ATG16L2: variants seen among roughly 807,000 people sequenced by gnomAD.
The protein encoded by ATG16L2 is autophagy related 16 like 2.
In ATG16L2, 77 loss-of-function variants were observed where a neutral mutation model predicts 84.7. The observed-to-expected ratio is 0.91, with a 90% CI of 0.76 to 1.10. The LOEUF is 1.10. Among genes scored for constraint, ATG16L2 ranks in the 50% least tolerant of loss-of-function variants. The pLI is 0.00. For missense variants in ATG16L2, 782 were observed against 817.6 expected (o/e 0.96, Z 0.53); for synonymous variants, 361 against 342.8 (o/e 1.05, Z -0.59).
Position 72,829,313 on chromosome 11 carries a change from A to C in ATG16L2, c.1783A>C (p.Asn595His). 1 of 1,613,170 alleles carries C rather than the reference A, an allele frequency of 6.2e-7. No individual in the cohort carries two copies. Among genetic ancestry groups the C allele is most frequent in the Non-Finnish European group, 8.5e-7 (1 of 1,179,730 alleles). The change falls in exon 18 of 18, where the codon AAC (asparagine) becomes CAC (histidine). Residue 595 changes from asparagine to histidine, a missense_variant. Coordinates refer to ENST00000321297, the MANE Select transcript of ATG16L2 (RefSeq NM_033388.2). ...CCTCCCTTTCCCCAGCGCTGCCGTC[A>C]ACGCCGTGGCCTGGTGCTACTCCGG... ...RLQGPHCAAV[N>H]AVAWCYSGSH...
At chr11:72,815,308 A>C (rs1859644067) in intron 1 of ATG16L2, among the ~76,000 whole-genome samples, 1 of 152,156 alleles carries the variant, frequency 6.6e-6, no homozygotes, top group Non-Finnish European at 1.5e-5. Context: ...CGGCTCTCTC[A>C]CTGGGGCTAA....
chr11:72,821,813 G>A, intron 4 of ATG16L2, 72 bp downstream of exon 4: 3 of 1,493,356 alleles, frequency 2.0e-6, no homozygotes, highest in Admixed American at 2.2e-5. Flanking sequence ...TACGGGAGGC[G>A]GGGGGAATGG....
Position 72,814,459 on chromosome 11 carries a change from G to C in ATG16L2, c.14G>C (p.Gly5Ala). Residue 5 changes from glycine (G) to alanine (A), a missense_variant, in exon 1 of 18, where the codon GGC becomes GCC. Physicochemically the swap from Gly to Ala is moderately conservative, Grantham distance 60 (BLOSUM62 0). Transcript: ENST00000321297. ...GAGAGCGCGGCCATGGCGGGGCCGG[G>C]CGTCCCCGGTGCCCCCGCAGCGCGC... is the stretch of plus-strand genomic sequence containing the variant. Reference protein sequence around the residue: MAGPGVPGAPAARWK... With the variant: MAGPAVPGAPAARWK... 2.0e-6 allele frequency: 3 copies of C among 1,507,252 alleles called. No homozygotes were observed. The South Asian group carries it at 3.7e-5, about 19-fold the overall frequency. The allele number at this position is 1,507,252 out of a possible 1,614,324, so 93.4% of individuals were successfully genotyped here.
intron 5 of ATG16L2, chr11:72,840,843 T>C (rs142724039): frequency 1.3e-5 from 19 of 1,439,064 alleles, no homozygotes; most frequent in Middle Eastern, 1.8e-4. Context: ...GGAAGAACTA[T>C]GCATTCGATA....
chr11:72,824,213 C>T, intron 8 of ATG16L2, 91 bp downstream of exon 8: 1 of 1,479,354 alleles, frequency 6.8e-7, no homozygotes, highest in Non-Finnish European at 9.4e-7. Flanking sequence ...ACCTGTCCAT[C>T]CCTGTGATGT....
At chr11:72,826,881 G>A in intron 13 of ATG16L2, 58 bp downstream of exon 13, 1 of 1,588,334 alleles carries the variant, frequency 6.3e-7, no homozygotes, top group Non-Finnish European at 8.6e-7. Context: ...CCCAGGCCAG[G>A]GCACAAGGGA....
At chr11:72,824,913 C>G (rs2135110546) in intron 9 of ATG16L2, 71 bp downstream of exon 9, 1 of 1,334,478 alleles carries the variant, frequency 7.5e-7, no homozygotes, top group East Asian at 2.5e-5. Flanking sequence ...GGTCTCGGCA[C>G]CAGGGGTGGT....
chr11:72,823,334 T>A (rs975939825), intron 7 of ATG16L2: 1 of 316,668 alleles, frequency 3.2e-6, no homozygotes, highest in Admixed American at 4.7e-5. Context: ...CGCAGGGACA[T>A]GAGGCCACAG....
intron 9 of ATG16L2, 51 bp from the exon 10 acceptor site, chr11:72,825,251 C>T (rs148638811): frequency 1.4e-6 from 2 of 1,470,772 alleles, no homozygotes; most frequent in East Asian, 2.3e-5. Flanking sequence ...TGAGCACTCA[C>T]AGAGACATGC....
At chr11:72,841,330 A>T in intron 5 of ATG16L2, 1 of 976,616 alleles carries the variant, frequency 1.0e-6, no homozygotes, top group Non-Finnish European at 1.4e-6. Flanking sequence ...GGTGACAGAG[A>T]CTCTGTCTCC....
At chr11:72,823,055 G>C (rs755246286) in intron 7 of ATG16L2, 94 bp downstream of exon 7, 135 of 857,030 alleles carry the variant, frequency 1.6e-4, no homozygotes, top group Non-Finnish European at 2.2e-4. Flanking sequence ...CCAGCTCTTG[G>C]GTTGGGAGGG....
At chr11:72,815,515 C>T (rs1207316405) in intron 1 of ATG16L2, among the ~76,000 whole-genome samples, 2 of 152,090 alleles carry the variant, frequency 1.3e-5, no homozygotes, top group African/African-American at 4.8e-5. Context: ...ACCCCTGCCC[C>T]CCGCCCCGAC....
At chr11:72,826,470 A>G (rs539449994) in intron 11 of ATG16L2, 48 bp from the exon 12 acceptor site, 1 of 1,610,302 alleles carries the variant, frequency 6.2e-7, no homozygotes, top group South Asian at 1.1e-5. Context: ...GGCCCGAAGA[A>G]TGTTGCCTCC....
chr11:72,818,134 C>A (rs936500635), intron 3 of ATG16L2: 2 of 432,698 alleles, frequency 4.6e-6, no homozygotes, highest in Non-Finnish European at 8.5e-6. Flanking sequence ...GCTCTGCTCA[C>A]TACTCCATGG....
intron 4 of ATG16L2, 72 bp downstream of exon 4, chr11:72,821,813 G>T: frequency 6.7e-7 from 1 of 1,493,356 alleles, no homozygotes. Flanking sequence ...TACGGGAGGC[G>T]GGGGGAATGG....
chr11:72,820,620 GACTC>G (rs1190523027), intron 3 of ATG16L2, among the ~76,000 whole-genome samples: 2 of 152,200 alleles, frequency 1.3e-5, no homozygotes, highest in Admixed American at 6.5e-5. Flanking sequence ...CTTCTTCGCA[GACTC>G]ACTCACATAG....
In ATG16L2 at chr11:72,822,106, A is replaced by C; in HGVS notation, c.455A>C (p.Gln152Pro). 1 of 1,536,898 alleles carries C rather than the reference A, an allele frequency of 6.5e-7. No homozygotes were observed. Among genetic ancestry groups the C allele is most frequent in the Non-Finnish European group, 8.7e-7 (1 of 1,152,454 alleles). ...GAGGCGCGGGCGCAGCAGGCCCAGC[A>C]GGTGGAGGAGTGGCGGGCGCAGAAT... ...LREARAQQAQ[Q>P]VEEWRAQNAV... The change falls in exon 5 of 18, where the codon CAG becomes CCG. Residue 152 changes from glutamine (Q) to proline (P), a missense_variant. Physicochemically the swap from Gln to Pro is moderately conservative, Grantham distance 76 (BLOSUM62 -1). Transcript: ENST00000321297. This position sits in a 1 kb window ranked among gnomAD's most constrained non-coding sequence, Gnocchi z 4.2.
intron 13 of ATG16L2, 164 bp from the exon 14 acceptor site, chr11:72,827,024 G>C (rs1366384985): frequency 1.1e-5 from 9 of 853,166 alleles, no homozygotes; most frequent in East Asian, 2.7e-5. Context: ...CTCAGGCTGT[G>C]GGTAGGAAAA....
rs755820801 is a variant in ATG16L2 at position 72,828,451 on chromosome 11, G to A, written c.1565G>A (p.Arg522Gln). 9.3e-6 allele frequency: 15 copies of A among 1,613,906 alleles called. No homozygotes were observed. The highest frequency in any genetic ancestry group is 5.0e-5 in the Admixed American group (3 of 59,994). Reference sequence around the variant, plus strand: ...CAACTGCACCTGCTCAGCTGTTCCCGAGACAACACACTCAAGGTCATCGAC... The same window carrying A: ...CAACTGCACCTGCTCAGCTGTTCCCAAGACAACACACTCAAGGTCATCGAC... ...HDQLHLLSCS[R>Q]DNTLKVIDLR... is the part of the protein sequence containing the mutation. The change falls in exon 15 of 18, where the codon CGA becomes CAA. Residue 522 changes from arginine (R) to glutamine (Q), a missense_variant. By Grantham distance (43) the Arg-to-Gln change is conservative (BLOSUM62 1). Transcript: ENST00000321297.
Sources: gnomAD v4.1 joint callset for allele counts (sites outside exome capture counted in the v4.1 genomes callset) on GRCh38, gnomAD v4.1.1 for gene constraint, Gnocchi (gnomAD v3.1) non-coding constraint, MANE v1.5 for transcripts, NCBI Gene and HGNC (gene_info 2026-07-23, HGNC 2026-07-21) for gene names.